Variants in ZNF157 observed in about 807,000 individuals in gnomAD.
The protein encoded by ZNF157 is zinc finger protein 157, also known as zinc finger protein 22.
ZNF157 carries 8 observed loss-of-function variants against 9.4 expected under a neutral mutation model. That is an observed-to-expected ratio of 0.85 (90% CI 0.50 to 1.53). The LOEUF is 1.53. Ranked by LOEUF, ZNF157 falls within the 40% of genes most tolerant of loss-of-function variation. The probability of loss-of-function intolerance (pLI) is 0.00; values close to 1 mark genes in which losing one functional copy is unlikely to be tolerated. For missense variants in ZNF157, 316 were observed against 385.2 expected, an observed-to-expected ratio of 0.82 and a Z score of 1.50; for synonymous variants, 120 against 130.8, an observed-to-expected ratio of 0.92 and a Z score of 0.56.
intron 1 of ZNF157, among the ~76,000 whole-genome samples, chrX:47,405,336 C>A (rs1346691021): frequency 3.6e-5 from 4 of 109,893 alleles, no homozygotes; most frequent in African/African-American, 1.3e-4. Flanking sequence ...TTGCAGTGAG[C>A]CAAGATTGCA....
chrX:47,410,486 A>G, intron 2 of ZNF157, 84 bp downstream of exon 2: 1 of 1,114,267 alleles, frequency 9.0e-7, no homozygotes, highest in Non-Finnish European at 1.2e-6. Flanking sequence ...GCGAGGGTTT[A>G]ATGATATTAA....
In ZNF157 at chrX:47,413,742, C is replaced by T. The variant is rs1263612180; in HGVS notation, c.*148C>T. ...AGCTCATTGTTTTTATTCAGATTTC[C>T]CTAATTAGTGGTGTGTGAACATCTT... On this transcript the variant is annotated 3_prime_UTR_variant, in exon 4 of 4. Coordinates refer to ENST00000377073, the MANE Select transcript of ZNF157 (RefSeq NM_003446.4). 9.5e-6 allele frequency: 9 copies of T among 951,509 alleles called. No homozygotes were observed. Among genetic ancestry groups the T allele is most frequent in the Non-Finnish European group, 1.1e-5 (8 of 726,551 alleles). The allele number at this position is 951,509 out of a possible 1,213,427, so 78.4% of individuals were successfully genotyped here.
At chrX:47,393,792 G>A (rs1448474403) in intron 1 of ZNF157, among the ~76,000 whole-genome samples, 3 of 92,702 alleles carry the variant, frequency 3.2e-5, no homozygotes, top group African/African-American at 1.2e-4. Flanking sequence ...AGGCTGGAGT[G>A]ATTAAACCAT....
At chrX:47,410,109 G>A (rs2055959581) in intron 1 of ZNF157, among the ~76,000 whole-genome samples, 167 bp from the exon 2 acceptor site, 1 of 111,311 alleles carries the variant, frequency 9.0e-6, no homozygotes, top group African/African-American at 3.3e-5. Context: ...CAGTAACAGA[G>A]CTGTTCCAGG....
chrX:47,376,520 G>T (rs1163757121), intron 1 of ZNF157, among the ~76,000 whole-genome samples: 1 of 110,929 alleles, frequency 9.0e-6, no homozygotes, highest in East Asian at 2.8e-4. Context: ...AGAGGCTGAG[G>T]CAGGAGAATG....
At chrX:47,404,416 C>T (rs918804938) in intron 1 of ZNF157, among the ~76,000 whole-genome samples, 7 of 109,962 alleles carry the variant, frequency 6.4e-5, no homozygotes, top group African/African-American at 2.3e-4. Flanking sequence ...CTGCTTGCCT[C>T]GGCCTCCCAA....
At position 47,384,376 on chromosome X, in the gene ZNF157, C is replaced by T. The variant is rs1325510287; in HGVS notation, c.72+13636C>T. Among the ~76,000 whole-genome samples, 11 of 111,877 alleles carry T rather than the reference C, an allele frequency of 9.8e-5. No homozygotes were observed. The Admixed American group carries it at 1.1e-3, about 11-fold the overall frequency. ...TGACACTCAAACCTGTTGATGAAAT[C>T]CCAATGGAGGAATGTAAGGGTTGAT... On this transcript the variant is annotated intron_variant, in intron 1 of 3. Coordinates refer to ENST00000377073, the MANE Select transcript of ZNF157 (RefSeq NM_003446.4).
intron 1 of ZNF157, among the ~76,000 whole-genome samples, chrX:47,398,976 T>C (rs1245526923): frequency 9.1e-6 from 1 of 110,391 alleles, no homozygotes; most frequent in Admixed American, 9.7e-5. Context: ...CTGGCCTGTA[T>C]TTTTTAGTAG....
At chrX:47,404,767 A>C (rs1353516255) in intron 1 of ZNF157, among the ~76,000 whole-genome samples, 1 of 109,285 alleles carries the variant, frequency 9.2e-6, no homozygotes, top group Non-Finnish European at 1.9e-5. Context: ...CTTATTCTCT[A>C]TTGTCTTGAC....
chrX:47,377,817 A>T (rs1410398498), intron 1 of ZNF157, among the ~76,000 whole-genome samples: 1 of 107,543 alleles, frequency 9.3e-6, no homozygotes, highest in Non-Finnish European at 1.9e-5. Context: ...CTCTAGTGAC[A>T]TGATGTTGAG....
At chrX:47,407,837 A>G (rs1396744689) in intron 1 of ZNF157, among the ~76,000 whole-genome samples, 1 of 109,868 alleles carries the variant, frequency 9.1e-6, no homozygotes, top group Non-Finnish European at 1.9e-5. Context: ...CTATCACTTT[A>G]AACTGGAAAT....
At chrX:47,403,899 G>A (rs1346861668) in intron 1 of ZNF157, among the ~76,000 whole-genome samples, 3 of 111,856 alleles carry the variant, frequency 2.7e-5, no homozygotes, top group Non-Finnish European at 5.6e-5. Flanking sequence ...GCCGGGCACA[G>A]AGGCTCACGC....
chrX:47,398,998 C>T (rs780488186), intron 1 of ZNF157, among the ~76,000 whole-genome samples: 2 of 111,715 alleles, frequency 1.8e-5, no homozygotes, highest in Admixed American at 9.6e-5. Context: ...GACGGGGTTT[C>T]GCCATGTTGG....
Position 47,379,101 on chromosome X carries a change from G to A in ZNF157, c.72+8361G>A, listed in dbSNP as rs141600596. ...AAGAGAAGTTTCTAATTTTAATAAT[G>A]CACAACGTACTGTTTTTTTTTTCTT... On this transcript the variant is annotated intron_variant, in intron 1 of 3. Transcript: ENST00000377073. 4.7e-3 allele frequency among the ~76,000 whole-genome samples: 522 copies of A among 110,631 alleles called. 3 individuals carry two copies. Among genetic ancestry groups the A allele is most frequent in the Non-Finnish European group, 7.5e-3 (398 of 52,901 alleles).
Position 47,385,955 on chromosome X carries a change from C to T in ZNF157, c.72+15215C>T, listed in dbSNP as rs747898702. 1.1e-4 allele frequency among the ~76,000 whole-genome samples: 12 copies of T among 110,521 alleles called. No homozygotes were observed. The East Asian group carries it at 2.6e-3, about 24-fold the overall frequency. On this transcript the variant is annotated intron_variant, in intron 1 of 3. Coordinates refer to ENST00000377073, the MANE Select transcript of ZNF157 (RefSeq NM_003446.4). ...TAGTAACTTAGCCAGAGTAATAGCA[C>T]GAGTGTGAGTCAGAGCCAAGATTTG...
chrX:47,397,059 G>A (rs1464927302), intron 1 of ZNF157, among the ~76,000 whole-genome samples: 1 of 110,186 alleles, frequency 9.1e-6, no homozygotes, highest in Non-Finnish European at 1.9e-5. Flanking sequence ...TGAGATTTGG[G>A]TGGGGACACA....
chrX:47,403,003 G>C (rs372818129), intron 1 of ZNF157, among the ~76,000 whole-genome samples: 17 of 106,348 alleles, frequency 1.6e-4, no homozygotes, highest in Middle Eastern at 4.7e-3. Context: ...GCTCATGCCT[G>C]TAATCCTAGC....
intron 1 of ZNF157, among the ~76,000 whole-genome samples, chrX:47,401,443 C>T (rs1364193413): frequency 8.9e-6 from 1 of 112,118 alleles, no homozygotes; most frequent in African/African-American, 3.2e-5. Flanking sequence ...TAAATATGGC[C>T]TTCTTTTGTG....
At chrX:47,382,359 A>AGCTCACTGCAACCTCTGCCTCCC (rs1362700696) in intron 1 of ZNF157, among the ~76,000 whole-genome samples, 1 of 85,863 alleles carries the variant, frequency 1.2e-5, no homozygotes, top group African/African-American at 4.9e-5. Flanking sequence ...GCGTGATCTC[A>AGCTCACTGCAACCTCTGCCTCCC]GCTCACTGCA....
Sources: gnomAD v4.1 joint callset for allele counts (sites outside exome capture counted in the v4.1 genomes callset) on GRCh38, gnomAD v4.1.1 for gene constraint, MANE v1.5 for transcripts, NCBI Gene and HGNC (gene_info 2026-07-23, HGNC 2026-07-21) for gene names.